The following CFDP1 variants were observed in gnomAD, a reference collection of about 807,000 sequenced individuals.
CFDP1 encodes the protein chromatin remodeling protein CFDP1.
Under a neutral mutation model 40.1 loss-of-function variants are expected in CFDP1, and 31 were observed. That is an observed-to-expected ratio of 0.77 (90% confidence interval 0.58 to 1.04). CFDP1 has a LOEUF of 1.04. CFDP1 is among the 50% of genes least tolerant of loss of function. CFDP1 has a pLI of 0.00. For synonymous variants in CFDP1, 167 were observed against 120.0 expected (o/e 1.39, Z -2.56); for missense variants, 423 against 343.4 (o/e 1.23, Z -1.83).
At chr16:75,410,488 T>C (rs1475572149) in intron 4 of CFDP1, among the ~76,000 whole-genome samples, 2 of 152,126 alleles carry the variant, frequency 1.3e-5, no homozygotes, top group South Asian at 2.1e-4. Context: ...GAAAATAATA[T>C]TGAGGCCGGG....
intron 5 of CFDP1, among the ~76,000 whole-genome samples, chr16:75,341,469 G>A (rs971543645): frequency 3.6e-4 from 55 of 152,274 alleles, no homozygotes; most frequent in African/African-American, 1.1e-3. Context: ...ATTATCTTGA[G>A]GCTGTCAAGA....
chr16:75,332,402 T>G (rs986267680), intron 5 of CFDP1, among the ~76,000 whole-genome samples: 1 of 152,040 alleles, frequency 6.6e-6, no homozygotes, highest in Non-Finnish European at 1.5e-5. Context: ...GAGGTGGAAG[T>G]TGCAGTGAGC....
intron 4 of CFDP1, 83 bp from the exon 5 acceptor site, chr16:75,395,292 A>G: frequency 2.8e-6 from 4 of 1,409,644 alleles, no homozygotes; most frequent in South Asian, 1.3e-5. Context: ...AGACAACTAG[A>G]AAAAGATCCA....
chr16:75,346,596 A>AAAAAAT (rs2078567454), intron 5 of CFDP1, among the ~76,000 whole-genome samples: 3 of 50,040 alleles, frequency 6.0e-5, no homozygotes, highest in African/African-American at 1.4e-4. Flanking sequence ...AAAAAAAAAA[A>AAAAAAT]AAAAAAAAAA....
At chr16:75,424,454 C>T (rs1484797903) in intron 1 of CFDP1, among the ~76,000 whole-genome samples, 2 of 152,164 alleles carry the variant, frequency 1.3e-5, no homozygotes, top group African/African-American at 4.8e-5. Context: ...TCTTTTCCCC[C>T]TTAAGATTGG....
intron 5 of CFDP1, among the ~76,000 whole-genome samples, chr16:75,326,048 A>C (rs2078398742): frequency 6.6e-6 from 1 of 152,228 alleles, no homozygotes; most frequent in Non-Finnish European, 1.5e-5. Flanking sequence ...AGAATTAAGG[A>C]GAAGTCTGGA....
intron 1 of CFDP1, among the ~76,000 whole-genome samples, chr16:75,424,355 T>G (rs763027555): frequency 2.0e-5 from 3 of 152,176 alleles, no homozygotes; most frequent in Non-Finnish European, 4.4e-5. Flanking sequence ...TACTCAATGC[T>G]AAAGGGTTTA....
chr16:75,329,769 T>C (rs747914237), intron 5 of CFDP1, among the ~76,000 whole-genome samples: 2 of 152,222 alleles, frequency 1.3e-5, no homozygotes, highest in Non-Finnish European at 2.9e-5. Context: ...ACCCTATGTA[T>C]AGGTCATTTA....
intron 5 of CFDP1, among the ~76,000 whole-genome samples, chr16:75,363,610 G>A (rs2078694595): frequency 6.6e-6 from 1 of 151,874 alleles, no homozygotes; most frequent in South Asian, 2.1e-4. Flanking sequence ...TGGTCAGGCT[G>A]ATCTCAAACA....
At chr16:75,321,163 C>A (rs1365472788) in intron 5 of CFDP1, among the ~76,000 whole-genome samples, 2 of 152,036 alleles carry the variant, frequency 1.3e-5, no homozygotes, top group African/African-American at 2.4e-5. Flanking sequence ...CAAGATCTCA[C>A]TATGTTGTTC....
At chr16:75,408,446 G>A (rs1269025818) in intron 4 of CFDP1, among the ~76,000 whole-genome samples, 1 of 151,948 alleles carries the variant, frequency 6.6e-6, no homozygotes, top group Non-Finnish European at 1.5e-5. Context: ...TAAGAAGAAA[G>A]AAACAAGCTC....
intron 6 of CFDP1, among the ~76,000 whole-genome samples, chr16:75,295,428 G>A (rs1290565738): frequency 6.6e-6 from 1 of 152,214 alleles, no homozygotes; most frequent in Non-Finnish European, 1.5e-5. Context: ...TCTCCACTCT[G>A]AAGGACTGTT....
At chr16:75,430,822 T>C (rs1450457297) in intron 1 of CFDP1, among the ~76,000 whole-genome samples, 6 of 152,048 alleles carry the variant, frequency 3.9e-5, no homozygotes, top group African/African-American at 7.2e-5. Flanking sequence ...AGAGAATAGG[T>C]TGCAAAATGT....
chr16:75,346,932 T>C (rs1259891547), intron 5 of CFDP1, among the ~76,000 whole-genome samples: 1 of 152,136 alleles, frequency 6.6e-6, no homozygotes, highest in African/African-American at 2.4e-5. Flanking sequence ...TTGTCTGTCC[T>C]TCCATATGAC....
chr16:75,346,582 C>CAA (rs748081401), intron 5 of CFDP1, among the ~76,000 whole-genome samples: 236 of 59,346 alleles, frequency 4.0e-3, no homozygotes, highest in Non-Finnish European at 6.0e-3. Flanking sequence ...GACTCTGTCT[C>CAA]AAAAAAAAAA....
chr16:75,306,661 C>T (rs916794955), intron 5 of CFDP1: 1 of 152,132 alleles, frequency 6.6e-6, no homozygotes, highest in Non-Finnish European at 1.5e-5. Flanking sequence ...CAATGCAGAT[C>T]CGGGACAAAG....
At chr16:75,413,204 T>C (rs1418518501) in intron 2 of CFDP1, among the ~76,000 whole-genome samples, 3 of 151,966 alleles carry the variant, frequency 2.0e-5, no homozygotes, top group Non-Finnish European at 4.4e-5. Flanking sequence ...CTTCCAAGAG[T>C]TCTCAAGGAA....
At chr16:75,339,333 G>A (rs1057058501) in intron 5 of CFDP1, among the ~76,000 whole-genome samples, 3 of 152,068 alleles carry the variant, frequency 2.0e-5, no homozygotes, top group Admixed American at 6.5e-5. Context: ...CCAAGGTCTA[G>A]GAAATAAAAA....
intron 5 of CFDP1, among the ~76,000 whole-genome samples, chr16:75,320,402 G>A (rs1297758159): frequency 6.6e-6 from 1 of 151,712 alleles, no homozygotes; most frequent in Admixed American, 6.6e-5. Context: ...CTGAAACAAA[G>A]TTGGCTGCTC....
Sources: allele counts gnomAD v4.1 joint callset (sites outside exome capture counted in the v4.1 genomes callset), GRCh38; gene constraint gnomAD v4.1.1; transcripts MANE v1.5; gene names NCBI Gene and HGNC (gene_info 2026-07-23, HGNC 2026-07-21).